Variants in ABLIM1 observed in about 807,000 individuals in gnomAD.
ABLIM1 encodes the protein actin binding LIM protein 1, also known as actin-binding LIM protein 1.
Under a neutral mutation model 107.0 loss-of-function variants are expected in ABLIM1, and 40 were observed. That is an observed-to-expected ratio of 0.37 (90% confidence interval 0.29 to 0.49). The LOEUF (loss-of-function observed/expected upper bound fraction) is 0.49. Ranked by LOEUF, ABLIM1 falls within the 20% of genes least tolerant of loss-of-function variation. ABLIM1 has a pLI of 0.97. For missense variants in ABLIM1, 857 were observed against 1,008.5 expected (o/e 0.85, Z 2.04); for synonymous variants, 357 against 357.3 (o/e 1.00, Z 0.01).
At chr10:114,613,802 A>T in intron 1 of ABLIM1, 2 of 1,224,994 alleles carry the variant, frequency 1.6e-6, no homozygotes, top group Non-Finnish European at 1.1e-6. Context: ...GACTCCTCCC[A>T]GACCTGAACT....
chr10:114,575,497 C>T lies in ABLIM1; in HGVS notation c.482G>A (p.Cys161Tyr). ...QRMYGTRCHG[C>Y]GEFVEGEVVT... ...CACTTCGCCCTCCACGAACTCCCCA[C>T]AGCCATGGCAGCGTGTCCCGTACAT... The change falls in exon 3 of 23, where the codon TGT (cysteine) becomes TAT (tyrosine). Residue 161 changes from cysteine to tyrosine, a missense_variant. By Grantham distance (194) the Cys-to-Tyr change is radical (BLOSUM62 -2). Transcript: ENST00000533213. 6.2e-7 allele frequency: 1 copy of T among 1,614,226 alleles called. No individual in the cohort carries two copies.
upstream of ABLIM1, among the ~76,000 whole-genome samples, chr10:114,769,442 A>G (rs1256807206): frequency 1.7e-4 from 7 of 42,308 alleles, no homozygotes. Context: ...AAAGAAAGAA[A>G]GAAAGAAAGA....
At chr10:114,634,129 CTTTTTTTTTTTTTT>C (rs745875295) in intron 1 of ABLIM1, among the ~76,000 whole-genome samples, 3 of 68,298 alleles carry the variant, frequency 4.4e-5, no homozygotes, top group Admixed American at 4.0e-4. Context: ...CTCAATTTTT[CTTTTTTTTTTTTTT>C]TTTTTTTGAG....
In ABLIM1 at chr10:114,749,009, G is replaced by A. The variant is rs115778093; in HGVS notation, c.-213+19052C>T. ...TTTTTGACAGCAGACATACCTGCAC[G>A]TAATCTCTGTCCCAGGGGATTTATG... On this transcript the variant is annotated intron_variant, in intron 1 of 15. Transcript: ENST00000651092. Among the ~76,000 whole-genome samples, 593 of 152,202 alleles carry A rather than the reference G, an allele frequency of 3.9e-3. 6 individuals carry two copies. The highest frequency in any genetic ancestry group is 0.013 in the African/African-American group (555 of 41,534).
chr10:114,644,698 GGGCCAATTAGATTTTTACTCCTAA>G (rs1310852847), intron 1 of ABLIM1, among the ~76,000 whole-genome samples: 1 of 152,034 alleles, frequency 6.6e-6, no homozygotes, highest in Admixed American at 6.6e-5. Flanking sequence ...AAGATGAACT[GGGCCAATTAGATTTTTACTCCTAA>G]GAATCTGAAG....
At chr10:114,644,197 C>T (rs1591712214) in intron 1 of ABLIM1, among the ~76,000 whole-genome samples, 1 of 139,356 alleles carries the variant, frequency 7.2e-6, no homozygotes, top group East Asian at 2.2e-4. Context: ...AGGAGAATGG[C>T]ATGAACCCGG....
At chr10:114,564,284 A>C (rs2070311478) in intron 4 of ABLIM1, among the ~76,000 whole-genome samples, 1 of 151,818 alleles carries the variant, frequency 6.6e-6, no homozygotes, top group Admixed American at 6.6e-5. Context: ...TTGTTTTTTG[A>C]GACAAAGTCT....
intron 1 of ABLIM1, among the ~76,000 whole-genome samples, chr10:114,762,182 G>A (rs1301544576): frequency 2.6e-5 from 4 of 151,966 alleles, no homozygotes; most frequent in African/African-American, 4.8e-5. Context: ...ACAGGCGCCC[G>A]CCACCACGCC....
chr10:114,570,030 C>G (rs1209645586), intron 4 of ABLIM1, among the ~76,000 whole-genome samples: 1 of 152,164 alleles, frequency 6.6e-6, no homozygotes, highest in Admixed American at 6.5e-5. Context: ...TTTGGAATCA[C>G]TATTATAAAT....
rs770029583 is a variant in ABLIM1, at chr10:114,447,872, T to C, written c.1735+8A>G. On this transcript the variant is annotated splice_region_variant and intron_variant, in intron 15 of 22. Transcript: ENST00000533213. ...TGTCCCTTTGACTTAGCCGTGACAGTTGCATACCTACGACAGCAAATGAGG... is the reference window on the plus strand; with the variant it reads ...TGTCCCTTTGACTTAGCCGTGACAGCTGCATACCTACGACAGCAAATGAGG... 4 of 1,613,984 alleles carry C rather than the reference T, an allele frequency of 2.5e-6. No individual in the cohort carries two copies. The highest frequency in any genetic ancestry group is 1.7e-5 in the Admixed American group (1 of 59,998).
intron 1 of ABLIM1, among the ~76,000 whole-genome samples, chr10:114,759,851 T>C (rs2082707381): frequency 6.6e-6 from 1 of 152,162 alleles, no homozygotes; most frequent in Non-Finnish European, 1.5e-5. Flanking sequence ...ATACACCTAT[T>C]GTCCCAGTAT....
chr10:114,438,695 A>T (rs1173493735), intron 21 of ABLIM1, among the ~76,000 whole-genome samples: 1 of 152,204 alleles, frequency 6.6e-6, no homozygotes, highest in African/African-American at 2.4e-5. Context: ...CAACTGCCAT[A>T]TTGAAATAAG....
At chr10:114,753,435 A>G (rs989233208) in intron 1 of ABLIM1, among the ~76,000 whole-genome samples, 2 of 152,256 alleles carry the variant, frequency 1.3e-5, no homozygotes, top group African/African-American at 4.8e-5. Flanking sequence ...AGCATTGTCT[A>G]TAAAAACAAA....
rs377507802 is a variant in ABLIM1 at position 114,432,694 on chromosome 10, T to A, written c.*3566A>T. ...AGGATGAGAACTGAAAAAGAACTGC[T>A]CCAGCCTCTGCCTCAGAAGAGGAAA... On this transcript the variant is annotated 3_prime_UTR_variant, in exon 23 of 23. Transcript: ENST00000533213. The A allele has an allele frequency of 6.6e-6, 1 of 152,104 alleles. No individual in the cohort carries two copies. The highest frequency in any genetic ancestry group is 1.5e-5 in the Non-Finnish European group (1 of 68,026). The allele number at this position is 152,104 out of a possible 1,614,324, so 9.4% of individuals were successfully genotyped here. A position where few individuals can be genotyped will look rare whatever the true frequency, so the allele number is the denominator to read the frequency against.
chr10:114,604,223 C>T (rs2076254023), intron 1 of ABLIM1, among the ~76,000 whole-genome samples: 1 of 152,164 alleles, frequency 6.6e-6, no homozygotes, highest in South Asian at 2.1e-4. Flanking sequence ...GCCCAAGAAG[C>T]AGAGGAAGCT....
the ABLIM1 span, among the ~76,000 whole-genome samples, chr10:114,795,825 A>G: frequency 6.6e-6 from 1 of 152,234 alleles, no homozygotes; most frequent in Non-Finnish European, 1.5e-5. Context: ...AGCCTGCCTT[A>G]GAAATACTTG....
In ABLIM1 at chr10:114,478,919, G is replaced by A. The variant is rs573990522; in HGVS notation, c.1042-4963C>T. On this transcript the variant is annotated intron_variant, in intron 8 of 22. Coordinates refer to ENST00000533213, the MANE Select transcript of ABLIM1 (RefSeq NM_002313.7). ...TATTTTCTTACAATGGCCCAATTCT[G>A]TTTACCTGTCTATATTGAAATAATG... Among the ~76,000 whole-genome samples the A allele has an allele frequency of 2.0e-5, 3 of 152,170 alleles. No homozygotes were observed. In the South Asian group the frequency reaches 6.2e-4, roughly 32 times the overall value.
intron 4 of ABLIM1, among the ~76,000 whole-genome samples, chr10:114,567,578 CA>C (rs2070941918): frequency 6.6e-6 from 1 of 152,172 alleles, no homozygotes; most frequent in Non-Finnish European, 1.5e-5. Flanking sequence ...CTTCCTAAAG[CA>C]GAACAATACA....
intron 4 of ABLIM1, among the ~76,000 whole-genome samples, chr10:114,561,207 T>A (rs914406389): frequency 3.3e-5 from 5 of 152,244 alleles, no homozygotes; most frequent in African/African-American, 1.2e-4. Flanking sequence ...GAGGAAATCA[T>A]ACTTGAGTTC....
Sources: allele counts gnomAD v4.1 joint callset (sites outside exome capture counted in the v4.1 genomes callset), GRCh38; gene constraint gnomAD v4.1.1; transcripts MANE v1.5; gene names NCBI Gene and HGNC (gene_info 2026-07-23, HGNC 2026-07-21).